The following HGS variants were observed in gnomAD, a reference collection of about 807,000 sequenced individuals.
The protein encoded by HGS is hepatocyte growth factor-regulated tyrosine kinase substrate, also known as human growth factor-regulated tyrosine kinase substrate.
Under a neutral mutation model 109.7 loss-of-function variants are expected in HGS, and 63 were observed. That is an observed-to-expected ratio of 0.57 (90% CI 0.47 to 0.71). The LOEUF (loss-of-function observed/expected upper bound fraction) is 0.71, where lower values mean the gene tolerates loss of function less well. Ranked by LOEUF, HGS falls within the 30% of genes least tolerant of loss-of-function variation. HGS has a pLI of 0.00. For synonymous variants in HGS, 546 were observed against 437.3 expected (o/e 1.25, Z -3.10); for missense variants, 995 against 1,068.3 (o/e 0.93, Z 0.96).
intron 1 of HGS, 75 bp downstream of exon 1, chr17:81,684,178 C>G (rs895448063): frequency 5.5e-6 from 7 of 1,266,594 alleles, no homozygotes; most frequent in South Asian, 1.8e-5. Flanking sequence ...AGCGCGGCCC[C>G]GAGGGCCCGA....
intron 2 of HGS, 115 bp downstream of exon 2, chr17:81,685,804 G>T (rs2036970082): frequency 2.8e-6 from 2 of 709,544 alleles, no homozygotes; most frequent in East Asian, 2.7e-5. Context: ...CTCTTATGTG[G>T]AGAACTGCAT....
intron 1 of HGS, chr17:81,684,788 C>T: frequency 4.2e-6 from 2 of 477,178 alleles, no homozygotes; most frequent in Non-Finnish European, 5.5e-6. Flanking sequence ...AATGGGCTGC[C>T]CAAGCTTGCC....
In HGS at chr17:81,696,541, G is replaced by T; in HGVS notation, c.1566+12G>T. 2.0e-6 allele frequency: 3 copies of T among 1,534,080 alleles called. No homozygotes were observed. On this transcript the variant is annotated intron_variant, in intron 16 of 21. Coordinates refer to ENST00000329138, the MANE Select transcript of HGS (RefSeq NM_004712.5). ...GGCAGAAGAAGCAGGTGCAGTGGCT[G>T]CCCAGCCACAGGCCGGGGCCGGCTG... is the stretch of plus-strand genomic sequence containing the variant.
chr17:81,689,009 C>T (rs538709221), intron 5 of HGS, among the ~76,000 whole-genome samples, 182 bp downstream of exon 5: 4 of 152,334 alleles, frequency 2.6e-5, no homozygotes, highest in African/African-American at 9.6e-5. Flanking sequence ...CCGGCTCCTG[C>T]CTTTCTGGAC....
At position 81,701,856 on chromosome 17, in the gene HGS, C is replaced by T; in HGVS notation, c.*238C>T. 1 of 522,746 alleles carries T rather than the reference C, an allele frequency of 1.9e-6. No individual in the cohort carries two copies. Among genetic ancestry groups the T allele is most frequent in the Non-Finnish European group, 3.2e-6 (1 of 315,110 alleles). The allele number at this position is 522,746 out of a possible 1,614,324, so 32.4% of individuals were successfully genotyped here. On this transcript the variant is annotated 3_prime_UTR_variant, in exon 22 of 22. Coordinates refer to ENST00000329138, the MANE Select transcript of HGS (RefSeq NM_004712.5). ...CCATGGGGAGGGAAGGACTTTCTCC[C>T]AGGGGAAGCCCCCAGCCCTGTGGGT...
intron 14 of HGS, among the ~76,000 whole-genome samples, chr17:81,695,493 T>A (rs1236470994): frequency 6.6e-6 from 1 of 152,164 alleles, no homozygotes; most frequent in Non-Finnish European, 1.5e-5. Flanking sequence ...ATCAGATGAG[T>A]CCTTGGCGTT....
At position 81,695,240 on chromosome 17, in the gene HGS, T is replaced by C; in HGVS notation, c.1179+17T>C. 1 of 1,613,344 alleles carries C rather than the reference T, an allele frequency of 6.2e-7. No homozygotes were observed. The highest frequency in any genetic ancestry group is 1.1e-5 in the South Asian group (1 of 91,068). ...TTTAGTGAGGTAAGCTGTGGCTCCC[T>C]CCACGGGCCAGGGCAAAACATGGCC... On this transcript the variant is annotated intron_variant, in intron 14 of 21. Transcript: ENST00000329138.
In HGS at chr17:81,695,012, C is replaced by T. The variant is rs138004246; in HGVS notation, c.1064C>T (p.Thr355Met). Residue 355 changes from threonine to methionine, a missense_variant, in exon 13 of 22, where the codon ACG becomes ATG. Thr to Met is a moderately conservative substitution (Grantham distance 81). Coordinates refer to ENST00000329138, the MANE Select transcript of HGS (RefSeq NM_004712.5). ...SPTPSAPVPL[T>M]EPAAQPGEGH... ...ACGCCATCTGCGCCCGTGCCCCTGACGGAGCCGGCTGCACAGCCTGGGGAA... is the reference window on the plus strand; with the variant it reads ...ACGCCATCTGCGCCCGTGCCCCTGATGGAGCCGGCTGCACAGCCTGGGGAA... 781 of 1,614,058 alleles carry T rather than the reference C, an allele frequency of 4.8e-4. No individual in the cohort carries two copies. Among genetic ancestry groups the T allele is most frequent in the Non-Finnish European group, 6.2e-4 (726 of 1,180,004 alleles).
intron 11 of HGS, among the ~76,000 whole-genome samples, chr17:81,694,440 G>A (rs2037112637): frequency 3.3e-5 from 5 of 152,220 alleles, no homozygotes. Context: ...GTGCAGAACA[G>A]CCCTGCCCCA....
intron 2 of HGS, among the ~76,000 whole-genome samples, 195 bp downstream of exon 2, chr17:81,685,884 C>T (rs1280356963): frequency 2.0e-5 from 3 of 152,152 alleles, no homozygotes; most frequent in Non-Finnish European, 2.9e-5. Context: ...TTGCAGATAC[C>T]TGGTTATGTT....
chr17:81,697,052 G>A, intron 18 of HGS, 54 bp downstream of exon 18: 1 of 1,485,938 alleles, frequency 6.7e-7, no homozygotes, highest in South Asian at 1.3e-5. Context: ...CTTTATTTTA[G>A]CCGAATTTAC....
chr17:81,699,449 G>C (rs182405691), intron 18 of HGS, among the ~76,000 whole-genome samples: 1 of 152,130 alleles, frequency 6.6e-6, no homozygotes, highest in Admixed American at 6.5e-5. Flanking sequence ...TTTTTGAGAC[G>C]AAGTCTCGCT....
chr17:81,696,063 G>T, intron 15 of HGS, 64 bp downstream of exon 15: 1 of 1,384,648 alleles, frequency 7.2e-7, no homozygotes, highest in East Asian at 2.4e-5. Context: ...GCCATCCTGG[G>T]CCAGGGCCTC....
chr17:81,690,289 A>AGGG, intron 6 of HGS, 55 bp downstream of exon 6: 3 of 1,575,992 alleles, frequency 1.9e-6, no homozygotes, highest in Non-Finnish European at 2.6e-6. Context: ...GGAAGCGTGA[A>AGGG]GGGGAGTGCT....
intron 4 of HGS, among the ~76,000 whole-genome samples, chr17:81,687,434 A>G (rs2036997144): frequency 6.6e-6 from 1 of 152,136 alleles, no homozygotes; most frequent in Non-Finnish European, 1.5e-5. Context: ...CTGGGTGGGC[A>G]GGGCAGGTGG....
intron 14 of HGS, 68 bp from the exon 15 acceptor site, chr17:81,695,718 C>T: frequency 1.4e-6 from 2 of 1,462,436 alleles, no homozygotes; most frequent in Non-Finnish European, 1.9e-6. Context: ...GTGCCTCCAT[C>T]CCAGGCCCCA....
intron 1 of HGS, 55 bp from the exon 2 acceptor site, chr17:81,685,550 T>C: frequency 7.6e-7 from 1 of 1,307,538 alleles, no homozygotes; most frequent in Non-Finnish European, 1.1e-6. Flanking sequence ...GCTGGGGTGC[T>C]GCACGGGGCG....
At position 81,684,069 on chromosome 17, in the gene HGS, GGGGC is replaced by G; in HGVS notation, c.5_8del (p.Gly2GlufsTer10). The G allele has an allele frequency of 6.3e-7, 1 of 1,594,582 alleles. No individual in the cohort carries two copies. The highest frequency in any genetic ancestry group is 8.5e-7 in the Non-Finnish European group (1 of 1,172,944). ...TCGGGTTTGGGCTGGAGGTCGCCATGGGGCGAGGCAGCGGCACCTTCGAGCGTCT... is the reference window on the plus strand; with the variant it reads ...TCGGGTTTGGGCTGGAGGTCGCCATGGAGGCAGCGGCACCTTCGAGCGTCT... On this transcript the variant is annotated frameshift_variant, in exon 1 of 22. Transcript: ENST00000329138. LOFTEE classifies it high-confidence loss of function.
intron 2 of HGS, among the ~76,000 whole-genome samples, chr17:81,685,920 A>G (rs1356524171): frequency 1.3e-5 from 2 of 151,952 alleles, no homozygotes; most frequent in African/African-American, 4.8e-5. Flanking sequence ...GTTCTCAAAG[A>G]CTAAGATGGC....
Sources: gnomAD v4.1 joint callset for allele counts (sites outside exome capture counted in the v4.1 genomes callset) on GRCh38, gnomAD v4.1.1 for gene constraint, MANE v1.5 for transcripts, NCBI Gene and HGNC (gene_info 2026-07-23, HGNC 2026-07-21) for gene names.